ZFHX3: variants seen among roughly 807,000 people sequenced by gnomAD.
ZFHX3 encodes the protein zinc finger homeobox 3.
ZFHX3 carries 42 observed loss-of-function variants against 279.1 expected under a neutral mutation model. The ratio of observed to expected loss-of-function variants is 0.15; its 90% CI spans 0.12 to 0.19. The LOEUF is 0.19. Among genes scored for constraint, ZFHX3 ranks in the 10% least tolerant of loss-of-function variants. The probability of loss-of-function intolerance (pLI) is 1.00; values close to 1 mark genes in which losing one functional copy is unlikely to be tolerated. For synonymous variants in ZFHX3, 2,293 were observed against 1,957.8 expected (o/e 1.17, Z -4.52); for missense variants, 4,981 against 4,754.0 (o/e 1.05, Z -1.40).
intron 4 of ZFHX3, among the ~76,000 whole-genome samples, chr16:73,316,759 C>T (rs937656817): frequency 3.3e-5 from 5 of 152,138 alleles, no homozygotes; most frequent in Non-Finnish European, 7.4e-5. Flanking sequence ...TAGGCCTTCA[C>T]ATTCACGCTG....
chr16:73,657,457 C>G (rs1346425655), intron 2 of ZFHX3, among the ~76,000 whole-genome samples: 1 of 152,120 alleles, frequency 6.6e-6, no homozygotes, highest in Non-Finnish European at 1.5e-5. Flanking sequence ...GACTCCATCT[C>G]AAAAATAAAA....
chr16:73,356,986 C>A (rs1048767965), intron 3 of ZFHX3, among the ~76,000 whole-genome samples: 3 of 151,918 alleles, frequency 2.0e-5, no homozygotes, highest in Non-Finnish European at 2.9e-5. Flanking sequence ...GTGTGTGCCC[C>A]ATACCACCTC....
rs74030127 is a variant in ZFHX3 at position 73,595,689 on chromosome 16, C to T, written c.-1547+84491G>A. 5.3e-3 allele frequency among the ~76,000 whole-genome samples: 813 copies of T among 152,288 alleles called. 10 individuals are homozygous for T. The highest frequency in any genetic ancestry group is 0.019 in the African/African-American group (777 of 41,548). ...TGATACCCAAATTTGTGTCACTTTA[C>T]GGGTATCTCTTCTTAAATATCTCCC... On this transcript the variant is annotated intron_variant, in intron 2 of 17. Transcript: ENST00000641206.
At chr16:73,459,937 G>C (rs1056293911) in intron 2 of ZFHX3, among the ~76,000 whole-genome samples, 1 of 152,126 alleles carries the variant, frequency 6.6e-6, no homozygotes, top group Non-Finnish European at 1.5e-5. Context: ...TGATTATGGG[G>C]ATTACAATTC....
At chr16:73,209,030 A>G (rs2011910324) in intron 5 of ZFHX3, among the ~76,000 whole-genome samples, 1 of 152,208 alleles carries the variant, frequency 6.6e-6, no homozygotes, top group Non-Finnish European at 1.5e-5. Context: ...AACCCAATAT[A>G]TGAGGAAGAA....
chr16:73,832,288 G>A (rs1055785546), intron 1 of ZFHX3, among the ~76,000 whole-genome samples: 4 of 151,888 alleles, frequency 2.6e-5, no homozygotes, highest in Admixed American at 1.3e-4. Flanking sequence ...GCTATATGCT[G>A]AGGTTTCCCA....
At chr16:72,870,634 CA>C (rs2038136900) in intron 4 of ZFHX3, among the ~76,000 whole-genome samples, 1 of 145,608 alleles carries the variant, frequency 6.9e-6, no homozygotes. Flanking sequence ...AGGAGAATGG[CA>C]TGAACCCAGG....
intron 1 of ZFHX3, among the ~76,000 whole-genome samples, chr16:73,747,015 G>C (rs1390008858): frequency 6.6e-6 from 1 of 152,012 alleles, no homozygotes; most frequent in Non-Finnish European, 1.5e-5. Flanking sequence ...AAAACAAATG[G>C]AGCACCTTTG....
chr16:73,662,328 T>C (rs746184727), intron 2 of ZFHX3, among the ~76,000 whole-genome samples: 12 of 152,194 alleles, frequency 7.9e-5, no homozygotes, highest in Non-Finnish European at 1.2e-4. Context: ...ATTCTTTTTT[T>C]CTCTCTCACG....
At chr16:73,050,705 G>C (rs1965432720), upstream of ZFHX3, among the ~76,000 whole-genome samples, 1 of 144,602 alleles carries the variant, frequency 6.9e-6, no homozygotes, top group Non-Finnish European at 1.6e-5. Context: ...TAAACCCATG[G>C]CCTACCCAGC....
intron 5 of ZFHX3, among the ~76,000 whole-genome samples, chr16:73,168,671 C>T (rs1470750852): frequency 1.3e-5 from 2 of 152,174 alleles, no homozygotes; most frequent in East Asian, 3.8e-4. Flanking sequence ...CCCAATCTGT[C>T]CCCAGACTGT....
At chr16:73,463,630 C>A (rs530206983) in intron 2 of ZFHX3, among the ~76,000 whole-genome samples, 2 of 152,294 alleles carry the variant, frequency 1.3e-5, no homozygotes, top group Admixed American at 6.5e-5. Context: ...CCCCGTCGAA[C>A]CCCTCCCCCC....
At position 73,717,671 on chromosome 16, in the gene ZFHX3, C is replaced by T. The variant is rs919641205; in HGVS notation, c.-1607-37431G>A. On this transcript the variant is annotated intron_variant, in intron 1 of 17. Coordinates refer to the ZFHX3 transcript ENST00000641206. ...GCTTACTCTCCTTCATCTCCGAGTT[C>T]GGACCTCTCTCTTCCCCCCAGTTCC... Among the ~76,000 whole-genome samples, 8 of 152,146 alleles carry T rather than the reference C, an allele frequency of 5.3e-5. No homozygotes were observed. In the South Asian group the frequency reaches 8.3e-4, roughly 16 times the overall value.
At chr16:72,885,157 C>T (rs915074629) in intron 4 of ZFHX3, among the ~76,000 whole-genome samples, 1 of 152,240 alleles carries the variant, frequency 6.6e-6, no homozygotes, top group African/African-American at 2.4e-5. Context: ...CAAAGACCAT[C>T]ACACTGAACC....
At chr16:73,249,995 C>T (rs1326522153) in intron 5 of ZFHX3, among the ~76,000 whole-genome samples, 4 of 152,204 alleles carry the variant, frequency 2.6e-5, no homozygotes, top group African/African-American at 9.7e-5. Flanking sequence ...CAGCAACTTC[C>T]TACACTGTTG....
chr16:73,621,980 C>A (rs187985917), intron 2 of ZFHX3, among the ~76,000 whole-genome samples: 2 of 152,204 alleles, frequency 1.3e-5, no homozygotes, highest in Admixed American at 6.5e-5. Context: ...GAGATGGACA[C>A]AGCCCTTCCC....
At chr16:73,620,725 G>T (rs1158507146) in intron 2 of ZFHX3, among the ~76,000 whole-genome samples, 1 of 152,086 alleles carries the variant, frequency 6.6e-6, no homozygotes, top group Non-Finnish European at 1.5e-5. Flanking sequence ...ACTTCTTTTT[G>T]TTCCACTTCT....
intron 3 of ZFHX3, among the ~76,000 whole-genome samples, chr16:73,336,437 T>A (rs2015915239): frequency 7.3e-6 from 1 of 136,348 alleles, no homozygotes; most frequent in Non-Finnish European, 1.5e-5. Flanking sequence ...CTTCTTTGTG[T>A]CATTGTGTAT....
intron 1 of ZFHX3, among the ~76,000 whole-genome samples, chr16:73,736,045 T>A (rs1234695202): frequency 6.6e-6 from 1 of 152,048 alleles, no homozygotes; most frequent in African/African-American, 2.4e-5. Context: ...CTAGATCTAC[T>A]CCTTCAGCTT....
Sources: allele counts gnomAD v4.1 joint callset (sites outside exome capture counted in the v4.1 genomes callset), GRCh38; gene constraint gnomAD v4.1.1; transcripts MANE v1.5; gene names NCBI Gene and HGNC (gene_info 2026-07-23, HGNC 2026-07-21).